TMSB15B: variants seen among roughly 807,000 people sequenced by gnomAD.
The protein encoded by TMSB15B is thymosin beta-15B.
intron 1 of TMSB15B, among the ~76,000 whole-genome samples, chrX:103,941,497 C>T (rs2075012710): frequency 8.9e-6 from 1 of 111,958 alleles, no homozygotes. Context: ...TCCCCTTTCT[C>T]CACATCCTTG....
intron 1 of TMSB15B, among the ~76,000 whole-genome samples, chrX:103,952,219 C>T (rs1213102712): frequency 3.6e-5 from 4 of 111,314 alleles, no homozygotes; most frequent in African/African-American, 1.3e-4. Flanking sequence ...ATATTGAACT[C>T]ACTAACAATT....
chrX:103,935,844 T>G (rs1291862650), intron 1 of TMSB15B, among the ~76,000 whole-genome samples: 1 of 87,651 alleles, frequency 1.1e-5, no homozygotes, highest in Admixed American at 1.2e-4. Flanking sequence ...ATAGGAGTTG[T>G]TTTTTTTTTT....
Position 103,945,818 on chromosome X carries a change from A to G in TMSB15B, c.-720-16203A>G, listed in dbSNP as rs1426114917. Among the ~76,000 whole-genome samples the G allele has an allele frequency of 3.6e-5, 4 of 112,447 alleles. No individual in the cohort carries two copies. In the East Asian group the frequency reaches 1.1e-3, roughly 31 times the overall value. The stretch of plus-strand genomic sequence containing the variant: ...TAGTGACATGTATAAAGCACGAGGA[A>G]TTCAGCGATCAATTAGAAAATGCAA... On this transcript the variant is annotated intron_variant, in intron 1 of 3. Coordinates refer to the TMSB15B transcript ENST00000419165.
At chrX:103,930,627 T>A (rs1556319756) in intron 1 of TMSB15B, among the ~76,000 whole-genome samples, 1 of 109,388 alleles carries the variant, frequency 9.1e-6, no homozygotes, top group Non-Finnish European at 1.9e-5. Flanking sequence ...GAAGATAAAG[T>A]TATTGACTCA....
At chrX:103,925,126 C>T (rs1480003945) in intron 1 of TMSB15B, among the ~76,000 whole-genome samples, 3 of 111,923 alleles carry the variant, frequency 2.7e-5, no homozygotes, top group African/African-American at 9.8e-5. Context: ...ATTATGGATT[C>T]TCAACCACTT....
intron 1 of TMSB15B, chrX:103,928,238 A>G (rs2074974553): frequency 8.3e-6 from 10 of 1,203,766 alleles, no homozygotes; most frequent in African/African-American, 1.8e-5. Context: ...GACCTTTCCT[A>G]TCTATAAGGT....
At chrX:103,955,958 C>T (rs1404738685) in intron 1 of TMSB15B, among the ~76,000 whole-genome samples, 1 of 111,109 alleles carries the variant, frequency 9.0e-6, no homozygotes, top group Non-Finnish European at 1.9e-5. Flanking sequence ...CAGCAGAAAC[C>T]CTAGAAGCCA....
In TMSB15B at chrX:103,928,149, C is replaced by T. The variant is rs570893835; in HGVS notation, c.-721+8857C>T. 6.9e-6 allele frequency: 8 copies of T among 1,152,955 alleles called. No individual in the cohort carries two copies. In the African/African-American group the frequency reaches 1.4e-4, roughly 21 times the overall value. ...AAGGAGCTTCAGCACAGAACACAAG[C>T]AGAGGCTCCAGGAAAGAAAAGCTGG... On this transcript the variant is annotated intron_variant, in intron 1 of 3. Transcript: ENST00000419165.
intron 1 of TMSB15B, among the ~76,000 whole-genome samples, chrX:103,929,711 G>T (rs1192425269): frequency 9.0e-6 from 1 of 111,429 alleles, no homozygotes; most frequent in Non-Finnish European, 1.9e-5. Context: ...AGAAACATTT[G>T]CTATAGTCTG....
intron 1 of TMSB15B, among the ~76,000 whole-genome samples, chrX:103,943,912 C>T (rs1418361271): frequency 8.9e-6 from 1 of 111,929 alleles, no homozygotes; most frequent in Non-Finnish European, 1.9e-5. Flanking sequence ...TTCCACTTTC[C>T]CCTGGTACTT....
chrX:103,945,873 C>A (rs1485929153), intron 1 of TMSB15B, among the ~76,000 whole-genome samples: 1 of 111,681 alleles, frequency 9.0e-6, no homozygotes, highest in African/African-American at 3.3e-5. Context: ...ATGATTTTCC[C>A]AAAATCTATA....
intron 1 of TMSB15B, among the ~76,000 whole-genome samples, chrX:103,953,300 T>C (rs1408542075): frequency 5.4e-5 from 6 of 111,829 alleles, no homozygotes; most frequent in Non-Finnish European, 1.1e-4. Flanking sequence ...CGGACATGCA[T>C]GGAGAACCAG....
intron 1 of TMSB15B, among the ~76,000 whole-genome samples, chrX:103,952,125 A>G (rs1281066373): frequency 1.8e-5 from 2 of 111,436 alleles, no homozygotes; most frequent in Non-Finnish European, 3.8e-5. Context: ...GGCTGACTCA[A>G]ACTCCTGGGT....
At chrX:103,920,338 G>T (rs1439811943) in intron 1 of TMSB15B, among the ~76,000 whole-genome samples, 1 of 111,588 alleles carries the variant, frequency 9.0e-6, no homozygotes, top group Non-Finnish European at 1.9e-5. Flanking sequence ...TACCCCTGGG[G>T]GATTTTGATG....
At chrX:103,935,846 T>G (rs1224329663) in intron 1 of TMSB15B, among the ~76,000 whole-genome samples, 2 of 100,440 alleles carry the variant, frequency 2.0e-5, no homozygotes, top group South Asian at 1.0e-3. Context: ...AGGAGTTGTT[T>G]TTTTTTTTTT....
intron 1 of TMSB15B, chrX:103,928,496 C>T: frequency 8.3e-7 from 1 of 1,202,215 alleles, no homozygotes; most frequent in South Asian, 1.8e-5. Flanking sequence ...GCACTCAGCC[C>T]CTTTGAAAGG....
At chrX:103,935,813 T>G (rs1311732279) in intron 1 of TMSB15B, among the ~76,000 whole-genome samples, 2 of 109,060 alleles carry the variant, frequency 1.8e-5, no homozygotes, top group Non-Finnish European at 3.8e-5. Context: ...GTCTTGGCAA[T>G]GCGGGCTCTT....
chrX:103,930,947 A>C (rs782125679), intron 1 of TMSB15B: 2 of 110,849 alleles, frequency 1.8e-5, no homozygotes, highest in Non-Finnish European at 3.8e-5. Context: ...CCCCCTACAG[A>C]TATCTCAGTA....
At chrX:103,928,864 G>C (rs1248917783) in intron 1 of TMSB15B, 1 of 1,204,349 alleles carries the variant, frequency 8.3e-7, no homozygotes, top group Admixed American at 2.2e-5. Context: ...CTCTGCCCAG[G>C]ATGTGTGGAA....
Sources: gnomAD v4.1 joint callset for allele counts (sites outside exome capture counted in the v4.1 genomes callset) on GRCh38, gnomAD v4.1.1 for gene constraint, MANE v1.5 for transcripts, NCBI Gene and HGNC (gene_info 2026-07-23, HGNC 2026-07-21) for gene names.